Variants in SEPTIN12 observed in about 807,000 individuals in gnomAD.
SEPTIN12 encodes the protein septin 12.
SEPTIN12 carries 42 observed loss-of-function variants against 37.7 expected under a neutral mutation model. The observed-to-expected ratio is 1.11, with a 90% CI of 0.87 to 1.44. The LOEUF (loss-of-function observed/expected upper bound fraction) is 1.44, where lower values mean the gene tolerates loss of function less well. Ranked by LOEUF, SEPTIN12 falls within the 40% of genes most tolerant of loss-of-function variation. SEPTIN12 has a pLI of 0.00. For synonymous variants in SEPTIN12, 254 were observed against 196.7 expected (o/e 1.29, Z -2.44); for missense variants, 613 against 479.2 (o/e 1.28, Z -2.61).
chr16:4,784,022 G>C lies in SEPTIN12; in HGVS notation c.421C>G (p.Leu141Val). ...GYINEQYEQY[L>V]QEEILITRQR... ...CGGGTGATGAGGATCTCCTCCTGCAGGTACTGCTCGTATTGCTCGTTGATG... is the reference window on the plus strand; with the variant it reads ...CGGGTGATGAGGATCTCCTCCTGCACGTACTGCTCGTATTGCTCGTTGATG... The change falls in exon 5 of 10, where the codon CTG (leucine) becomes GTG (valine). Residue 141 changes from leucine to valine, a missense_variant. Leu to Val is a conservative substitution (Grantham distance 32, BLOSUM62 1). Transcript: ENST00000268231. 1 of 1,614,182 alleles carries C rather than the reference G, an allele frequency of 6.2e-7. No homozygotes were observed. The highest frequency in any genetic ancestry group is 8.5e-7 in the Non-Finnish European group (1 of 1,180,020).
rs752333477 is a variant in SEPTIN12, at chr16:4,777,758, G to A, written c.*39C>T. On this transcript the variant is annotated 3_prime_UTR_variant, in exon 10 of 10. Transcript: ENST00000268231. The stretch of plus-strand genomic sequence containing the variant: ...ATAGGTGTGTGTTGAGAGCCGCTGG[G>A]GACTCAGGAAGCCCAGCAGCCCCGG... The A allele has an allele frequency of 7.1e-7, 1 of 1,401,080 alleles. No homozygotes were observed. The highest frequency in any genetic ancestry group is 9.6e-7 in the Non-Finnish European group (1 of 1,044,378). 86.8% of individuals were successfully genotyped at this position (1,401,080 alleles called of 1,614,324 possible).
chr16:4,783,431 C>A, intron 7 of SEPTIN12, 31 bp downstream of exon 7: 1 of 1,542,124 alleles, frequency 6.5e-7, no homozygotes, highest in Non-Finnish European at 9.0e-7. Flanking sequence ...AGGAAATCAC[C>A]TCGCCCGCCT....
At chr16:4,787,357 G>C in intron 2 of SEPTIN12, 123 bp downstream of exon 2, 1 of 861,278 alleles carries the variant, frequency 1.2e-6, no homozygotes, top group Admixed American at 1.7e-5. Flanking sequence ...TCCCTGTGAG[G>C]TGCTATTATC....
At position 4,785,875 on chromosome 16, in the gene SEPTIN12, C is replaced by G. The variant is rs759737650; in HGVS notation, c.306G>C (p.Lys102Asn). The G allele has an allele frequency of 1.2e-6, 2 of 1,611,186 alleles. No homozygotes were observed. The highest frequency in any genetic ancestry group is 1.7e-6 in the Non-Finnish European group (2 of 1,178,852). Residue 102 changes from lysine (K) to asparagine (N), a missense_variant, in exon 4 of 10, where the codon AAG (lysine) becomes AAC (asparagine). Lys to Asn is a moderately conservative substitution (Grantham distance 94, BLOSUM62 0). Coordinates refer to ENST00000268231, the MANE Select transcript of SEPTIN12 (RefSeq NM_144605.5). ...TCACCGTCAGCTTCAGCTTCACACC[C>G]TTCTCCTCTATGACTGTGGAGGGAG... ...LHSLTHVIEEKGVKLKLTVTD... is the reference protein window; with the variant it reads ...LHSLTHVIEENGVKLKLTVTD...
chr16:4,790,968 C>CGGG (rs1173190922), upstream of SEPTIN12, among the ~76,000 whole-genome samples: 3 of 152,188 alleles, frequency 2.0e-5, no homozygotes, highest in East Asian at 5.8e-4. Flanking sequence ...GGATTCAGCA[C>CGGG]GGGGGCCTCT....
chr16:4,786,095 C>T lies in SEPTIN12; in HGVS notation c.177G>A (p.Gly59=), dbSNP rs1474271285. 4 of 1,606,080 alleles carry T rather than the reference C, an allele frequency of 2.5e-6. No individual in the cohort carries two copies. Among genetic ancestry groups the T allele is most frequent in the Admixed American group, 3.4e-5 (2 of 59,144 alleles). ...EFNIMVVGQS[G]LGKSTMVNTL... ...TGTTCACCATCGTGGACTTGCCCAG[C>T]CCGCTTTGCCCTGGGAGTGGCAACC... The change falls in exon 3 of 10, where the codon GGG becomes GGA. Residue 59 remains glycine, a synonymous_variant. Transcript: ENST00000268231.
intron 2 of SEPTIN12, 54 bp from the exon 3 acceptor site, chr16:4,786,159 T>TC (rs1273943486): frequency 2.0e-6 from 3 of 1,531,226 alleles, no homozygotes; most frequent in Middle Eastern, 2.1e-4. Flanking sequence ...AGGCAGTTTT[T>TC]CTCTAACTCT....
At chr16:4,780,589 T>C (rs1243447304) in intron 7 of SEPTIN12, among the ~76,000 whole-genome samples, 2 of 152,200 alleles carry the variant, frequency 1.3e-5, no homozygotes, top group African/African-American at 4.8e-5. Flanking sequence ...AGTTGTTTAC[T>C]TGCTCATGGC....
At chr16:4,783,269 T>C in intron 7 of SEPTIN12, 193 bp downstream of exon 7, 1 of 608,742 alleles carries the variant, frequency 1.6e-6, no homozygotes, top group Non-Finnish European at 3.0e-6. Context: ...CGCAGACATT[T>C]TCTCCGATTC....
intron 7 of SEPTIN12, among the ~76,000 whole-genome samples, chr16:4,780,429 G>A (rs1200093009): frequency 6.6e-6 from 1 of 152,006 alleles, no homozygotes; most frequent in Non-Finnish European, 1.5e-5. Flanking sequence ...GCACATAGTT[G>A]AGCCTATGAG....
Position 4,778,106 on chromosome 16 carries a change from G to A in SEPTIN12, c.855C>T (p.Leu285=), listed in dbSNP as rs755266510. ...VENMAHCEFP[L]LRDLLIRSHL... is the part of the protein sequence containing the mutation. ...CTCACCGGATAAGCAGGTCTCTCAG[G>A]AGAGGAAATTCACAGTGCGCCATGT... The change falls in exon 9 of 10, where the codon CTC becomes CTT. Residue 285 remains leucine (L), a synonymous_variant. Transcript: ENST00000268231. 1.6e-5 allele frequency: 26 copies of A among 1,614,098 alleles called. No homozygotes were observed. The highest frequency in any genetic ancestry group is 2.0e-5 in the Non-Finnish European group (24 of 1,180,054).
rs538081747 is a variant in SEPTIN12, at chr16:4,786,504, G to A, written c.167-399C>T. 3.2e-3 allele frequency among the ~76,000 whole-genome samples: 486 copies of A among 150,890 alleles called. 2 individuals are homozygous for A. The highest frequency in any genetic ancestry group is 9.9e-3 in the African/African-American group (405 of 41,072). On this transcript the variant is annotated intron_variant, in intron 2 of 9. Coordinates refer to ENST00000268231, the MANE Select transcript of SEPTIN12 (RefSeq NM_144605.5). ...CAAGTAGCTGGGACTACAGGCGCCC[G>A]CCACCACGCCTGGCTAATTTTTTTG...
rs1423608434 is a variant in SEPTIN12 at position 4,779,747 on chromosome 16, G to A, written c.766C>T (p.His256Tyr). Residue 256 changes from histidine (H) to tyrosine (Y), a missense_variant, in exon 8 of 10, where the codon CAC becomes TAC. Coordinates refer to ENST00000268231, the MANE Select transcript of SEPTIN12 (RefSeq NM_144605.5). ...AGGACACACCTCCCGTTCACCAGGTGCTCTTGGTCAGCCCCTACCACGGCA... is the reference window on the plus strand; with the variant it reads ...AGGACACACCTCCCGTTCACCAGGTACTCTTGGTCAGCCCCTACCACGGCA... Reference protein sequence around the residue: ...PFAVVGADQEHLVNGRCVLGR... With the variant: ...PFAVVGADQEYLVNGRCVLGR... The A allele has an allele frequency of 1.2e-6, 2 of 1,613,802 alleles. No homozygotes were observed. The highest frequency in any genetic ancestry group is 2.2e-5 in the South Asian group (2 of 91,072).
intron 7 of SEPTIN12, among the ~76,000 whole-genome samples, chr16:4,782,793 C>T (rs774800330): frequency 7.2e-5 from 11 of 151,802 alleles, no homozygotes; most frequent in African/African-American, 1.9e-4. Flanking sequence ...TTAGTAGAGA[C>T]GGGGTTTCGT....
intron 4 of SEPTIN12, among the ~76,000 whole-genome samples, chr16:4,785,263 A>T (rs2082424232): frequency 2.8e-5 from 4 of 145,356 alleles, no homozygotes; most frequent in Admixed American, 7.0e-5. Context: ...AAAAAAAAAA[A>T]TTAGCCGGAA....
At chr16:4,790,481 A>G (rs575650957), upstream of SEPTIN12, among the ~76,000 whole-genome samples, 1 of 152,186 alleles carries the variant, frequency 6.6e-6, no homozygotes, top group South Asian at 2.1e-4. Context: ...TGGAGGCTTA[A>G]CCTTAAAGGC....
chr16:4,777,718 T>A lies in SEPTIN12; in HGVS notation c.*79A>T, dbSNP rs1245004464. 5.7e-6 allele frequency: 6 copies of A among 1,047,398 alleles called. No homozygotes were observed. The South Asian group carries it at 1.0e-4, about 18-fold the overall frequency. The allele number at this position is 1,047,398 out of a possible 1,614,324, so 64.9% of individuals were successfully genotyped here. On this transcript the variant is annotated 3_prime_UTR_variant, in exon 10 of 10. Coordinates refer to ENST00000268231, the MANE Select transcript of SEPTIN12 (RefSeq NM_144605.5). ...CATAAAAAGCAAGGCTCACATTTAA[T>A]AGATGCTCTGGTACATAGGTGTGTG...
Position 4,777,751 on chromosome 16 carries a change from C to T in SEPTIN12, c.*46G>A, listed in dbSNP as rs2082326367. 10 of 1,343,818 alleles carry T rather than the reference C, an allele frequency of 7.4e-6. No homozygotes were observed. Among genetic ancestry groups the T allele is most frequent in the Non-Finnish European group, 1.0e-5 (10 of 995,546 alleles). 83.2% of individuals were successfully genotyped at this position (1,343,818 alleles called of 1,614,324 possible). A position where few individuals can be genotyped will look rare whatever the true frequency, so the allele number is the denominator to read the frequency against. On this transcript the variant is annotated 3_prime_UTR_variant, in exon 10 of 10. Transcript: ENST00000268231. ...CTGGTACATAGGTGTGTGTTGAGAG[C>T]CGCTGGGGACTCAGGAAGCCCAGCA...
intron 7 of SEPTIN12, among the ~76,000 whole-genome samples, chr16:4,781,942 C>G (rs913866552): frequency 1.3e-5 from 1 of 74,754 alleles, no homozygotes; most frequent in Non-Finnish European, 2.6e-5. Flanking sequence ...CCGTGCCCGG[C>G]CTTTTTTTTT....
Sources: allele counts gnomAD v4.1 joint callset (sites outside exome capture counted in the v4.1 genomes callset), GRCh38; gene constraint gnomAD v4.1.1; transcripts MANE v1.5; gene names NCBI Gene and HGNC (gene_info 2026-07-23, HGNC 2026-07-21).